Variants in THSD7B observed in about 807,000 individuals in gnomAD.
THSD7B encodes the protein thrombospondin type-1 domain-containing protein 7B.
In THSD7B, 138 loss-of-function variants were observed where a neutral mutation model predicts 213.6. That is an observed-to-expected ratio of 0.65 (90% CI 0.56 to 0.74). The LOEUF (loss-of-function observed/expected upper bound fraction) is 0.74, where lower values mean the gene tolerates loss of function less well. Among genes scored for constraint, THSD7B ranks in the 30% least tolerant of loss-of-function variants. THSD7B has a pLI of 0.00. For missense variants in THSD7B, 1,931 were observed against 1,991.5 expected (o/e 0.97, Z 0.58); for synonymous variants, 742 against 687.0 (o/e 1.08, Z -1.25).
At chr2:137,359,452 C>T (rs1386437494) in intron 12 of THSD7B, among the ~76,000 whole-genome samples, 1 of 152,118 alleles carries the variant, frequency 6.6e-6, no homozygotes, top group African/African-American at 2.4e-5. Context: ...GGAGATGAAA[C>T]CTTGGGGGGT....
intron 14 of THSD7B, among the ~76,000 whole-genome samples, chr2:137,425,793 A>T (rs138240286): frequency 5.1e-4 from 77 of 152,332 alleles, no homozygotes; most frequent in African/African-American, 1.7e-3. Flanking sequence ...AAGAATGCTT[A>T]TTCTTGCCAC....
chr2:137,176,390 A>AT (rs1013962548), intron 7 of THSD7B, among the ~76,000 whole-genome samples: 3 of 152,292 alleles, frequency 2.0e-5, no homozygotes, highest in Admixed American at 1.3e-4. Flanking sequence ...TATGCTATCA[A>AT]TTTTTTATTT....
At chr2:137,220,435 T>C (rs558151325) in intron 7 of THSD7B, among the ~76,000 whole-genome samples, 5 of 152,294 alleles carry the variant, frequency 3.3e-5, no homozygotes, top group Middle Eastern at 3.4e-3. Flanking sequence ...AGATGCATCA[T>C]TAGTCAATAG....
At chr2:137,588,905 G>C (rs935003541) in intron 17 of THSD7B, among the ~76,000 whole-genome samples, 1 of 151,998 alleles carries the variant, frequency 6.6e-6, no homozygotes, top group Non-Finnish European at 1.5e-5. Context: ...TCAGCCTCCT[G>C]AGTAGGTGGG....
rs1379174049 is a variant in THSD7B, at chr2:137,411,536, T to C, written c.2696-73T>C. On this transcript the variant is annotated intron_variant, in intron 13 of 27. Transcript: ENST00000409968. ...ATTTAATATTCTAAAAGATTACAAA[T>C]ACAAAAGTGTGAGTGACTTTTAACA... is the stretch of plus-strand genomic sequence containing the variant. The C allele has an allele frequency of 3.7e-6, 5 of 1,366,208 alleles. No individual in the cohort carries two copies. The African/African-American group carries it at 7.3e-5, about 20-fold the overall frequency. The allele number at this position is 1,366,208 out of a possible 1,614,324, so 84.6% of individuals were successfully genotyped here. A position where few individuals can be genotyped will look rare whatever the true frequency, so the allele number is the denominator to read the frequency against.
chr2:137,361,448 A>G (rs1361880871), intron 12 of THSD7B, among the ~76,000 whole-genome samples: 1 of 152,222 alleles, frequency 6.6e-6, no homozygotes, highest in Non-Finnish European at 1.5e-5. Context: ...CTAAAGGAGG[A>G]TGTTCAAACC....
chr2:137,580,792 G>C (rs1205679817), intron 17 of THSD7B, among the ~76,000 whole-genome samples: 3 of 152,142 alleles, frequency 2.0e-5, no homozygotes, highest in African/African-American at 7.2e-5. Context: ...CACATAGCTA[G>C]AACAGGAGCA....
chr2:137,575,725 C>CACATATATATATATATATATATAT (rs59620213), intron 17 of THSD7B, among the ~76,000 whole-genome samples: 3 of 110,860 alleles, frequency 2.7e-5, no homozygotes, highest in Admixed American at 2.0e-4. Context: ...CCATAACACA[C>CACATATATATATATATATATATAT]ATATATATAT....
intron 25 of THSD7B, among the ~76,000 whole-genome samples, chr2:137,662,532 G>A (rs1470634188): frequency 6.6e-6 from 1 of 152,038 alleles, no homozygotes; most frequent in Non-Finnish European, 1.5e-5. Context: ...CCCTGCTTAT[G>A]TCTTCTTAGC....
At chr2:137,106,323 TG>T (rs1477887403) in intron 4 of THSD7B, among the ~76,000 whole-genome samples, 2 of 152,314 alleles carry the variant, frequency 1.3e-5, no homozygotes, top group East Asian at 3.9e-4. Context: ...TAAATGGTGT[TG>T]GGAAAACTGG....
chr2:137,129,303 G>A (rs1057043555), intron 5 of THSD7B, among the ~76,000 whole-genome samples: 5 of 152,106 alleles, frequency 3.3e-5, no homozygotes, highest in African/African-American at 1.2e-4. Context: ...CATTAGTAGA[G>A]GGGTAAACTC....
chr2:137,363,239 G>C (rs997428929), intron 12 of THSD7B, among the ~76,000 whole-genome samples: 1 of 152,200 alleles, frequency 6.6e-6, no homozygotes, highest in Non-Finnish European at 1.5e-5. Context: ...TTAAAGCAGT[G>C]TGTAGAGGGA....
chr2:137,290,761 G>C (rs1260252601), intron 12 of THSD7B, among the ~76,000 whole-genome samples: 1 of 152,028 alleles, frequency 6.6e-6, no homozygotes, highest in African/African-American at 2.4e-5. Context: ...TTCTCTATCT[G>C]AGTTTTCAAT....
At chr2:137,630,231 C>A (rs1297856763) in intron 20 of THSD7B, among the ~76,000 whole-genome samples, 1 of 152,142 alleles carries the variant, frequency 6.6e-6, no homozygotes, top group Non-Finnish European at 1.5e-5. Context: ...TGAGCTCAAG[C>A]AATCTGCCTG....
chr2:136,834,235 G>A (rs1214878841), intron 1 of THSD7B, among the ~76,000 whole-genome samples: 4 of 152,182 alleles, frequency 2.6e-5, no homozygotes, highest in African/African-American at 9.7e-5. Flanking sequence ...CCTGTTGGTG[G>A]TGAAGTGTTT....
intron 17 of THSD7B, among the ~76,000 whole-genome samples, chr2:137,615,963 A>G (rs755656542): frequency 4.6e-5 from 7 of 152,180 alleles, no homozygotes; most frequent in Non-Finnish European, 1.0e-4. Context: ...GTAGCCTTCA[A>G]GGTAACACAG....
intron 5 of THSD7B, among the ~76,000 whole-genome samples, chr2:137,122,322 G>A (rs1253369380): frequency 2.6e-5 from 4 of 152,086 alleles, no homozygotes; most frequent in Admixed American, 1.3e-4. Flanking sequence ...GAGAAAATAG[G>A]AATTTTAGGT....
chr2:137,603,978 G>A (rs1682123128), intron 17 of THSD7B, among the ~76,000 whole-genome samples: 1 of 152,038 alleles, frequency 6.6e-6, no homozygotes, highest in Non-Finnish European at 1.5e-5. Flanking sequence ...CGGCTTGGTG[G>A]TGTGCACCTG....
chr2:136,814,016 C>T (rs938234971), intron 1 of THSD7B, among the ~76,000 whole-genome samples: 1 of 152,134 alleles, frequency 6.6e-6, no homozygotes, highest in Non-Finnish European at 1.5e-5. Flanking sequence ...GACTCAGGCT[C>T]TCCTGATTTC....
Sources: allele counts gnomAD v4.1 joint callset (sites outside exome capture counted in the v4.1 genomes callset), GRCh38; gene constraint gnomAD v4.1.1; transcripts MANE v1.5; gene names NCBI Gene and HGNC (gene_info 2026-07-23, HGNC 2026-07-21).